Variants in RSRC2 observed in about 807,000 individuals in gnomAD.
RSRC2 encodes arginine/serine-rich coiled-coil protein 2.
A neutral mutation model predicts 61.3 loss-of-function variants in RSRC2; 5 were observed. The ratio of observed to expected loss-of-function variants is 0.08; its 90% CI spans 0.04 to 0.17. The LOEUF (loss-of-function observed/expected upper bound fraction) is 0.17. Ranked by LOEUF, RSRC2 falls within the 10% of genes least tolerant of loss-of-function variation. The pLI is 1.00. For missense variants in RSRC2, 381 were observed against 518.8 expected (o/e 0.73, Z 2.58); for synonymous variants, 202 against 166.5 (o/e 1.21, Z -1.64).
At chr12:122,525,738 A>T (rs1287699134) in intron 1 of RSRC2, among the ~76,000 whole-genome samples, 1 of 151,666 alleles carries the variant, frequency 6.6e-6, no homozygotes, top group African/African-American at 2.4e-5. Flanking sequence ...TCTTATACAC[A>T]CGCAGGCTTA....
At chr12:122,512,449 C>T (rs1328173859) in intron 6 of RSRC2, among the ~76,000 whole-genome samples, 1 of 152,090 alleles carries the variant, frequency 6.6e-6, no homozygotes, top group Non-Finnish European at 1.5e-5. Flanking sequence ...TTAAGTCGGC[C>T]CGGCGCCACG....
chr12:122,521,861 C>T (rs11058575), intron 2 of RSRC2, among the ~76,000 whole-genome samples: 24,210 of 152,222 alleles, frequency 0.16, 2,280 homozygotes, highest in East Asian at 0.43. Flanking sequence ...ATAAGCTAGG[C>T]GTGGTGGCGC....
At chr12:122,523,345 G>A (rs1468575155) in intron 1 of RSRC2, 1 of 152,072 alleles carries the variant, frequency 6.6e-6, no homozygotes, top group African/African-American at 2.4e-5. Flanking sequence ...GTAAAACCCT[G>A]CTTCTACTAA....
chr12:122,508,554 C>G, intron 7 of RSRC2, 107 bp from the exon 8 acceptor site: 1 of 846,524 alleles, frequency 1.2e-6, no homozygotes. Context: ...TGCAAAAAGG[C>G]AGGATTTTCA....
At position 122,505,239 on chromosome 12, in the gene RSRC2, T is replaced by C. The variant is rs1024160123; in HGVS notation, c.*288A>G. 2.6e-5 allele frequency: 7 copies of C among 273,742 alleles called. No homozygotes were observed. Among genetic ancestry groups the C allele is most frequent in the Non-Finnish European group, 4.1e-5 (6 of 146,914 alleles). The allele number at this position is 273,742 out of a possible 1,614,324, so 17.0% of individuals were successfully genotyped here. ...CAGCGGACACGAAAAAATCCATGTA[T>C]GAGATTTTATCCCCACCTGCAGCTT... On this transcript the variant is annotated 3_prime_UTR_variant, in exon 10 of 10. Coordinates refer to ENST00000331738, the MANE Select transcript of RSRC2 (RefSeq NM_023012.6).
rs773366610 is a variant in RSRC2 at position 122,522,271 on chromosome 12, G to A, written c.35C>T (p.Ala12Val). ...AASDTERDGLAPEKTSPDRDK... is the reference protein window; with the variant it reads ...AASDTERDGLVPEKTSPDRDK... The stretch of plus-strand genomic sequence containing the variant: ...TCTATCTGGTGATGTCTTTTCTGGG[G>A]CTAGTCCATCTCGCTCTGTATCACT... The change falls in exon 2 of 10, where the codon GCC becomes GTC. Residue 12 changes from alanine to valine, a missense_variant. Transcript: ENST00000331738. The A allele has an allele frequency of 1.9e-6, 3 of 1,613,084 alleles. No individual in the cohort carries two copies. The highest frequency in any genetic ancestry group is 2.5e-6 in the Non-Finnish European group (3 of 1,179,576).
At chr12:122,520,479 A>C in intron 3 of RSRC2, 1 of 1,207,938 alleles carries the variant, frequency 8.3e-7, no homozygotes, top group Non-Finnish European at 1.1e-6. Context: ...TAAGGGAAAT[A>C]GGAGTTTGAA....
intron 3 of RSRC2, chr12:122,519,295 C>A (rs182964852): frequency 8.0e-6 from 3 of 375,854 alleles, no homozygotes; most frequent in Non-Finnish European, 1.5e-5. Flanking sequence ...TATTGAAAAG[C>A]CATTATGCCA....
chr12:122,511,121 CTTG>C lies in RSRC2; in HGVS notation c.790_792del (p.Gln264del), dbSNP rs763398143. ...TGAAAAAAATTACCTGCAGCTATTT[CTTG>C]TTGTTTTTGTTTTTCAACCATTTCC... On this transcript the variant is annotated inframe_deletion, in exon 7 of 10. Transcript: ENST00000331738. 11 of 1,604,640 alleles carry C rather than the reference CTTG, an allele frequency of 6.9e-6. No individual in the cohort carries two copies. The highest frequency in any genetic ancestry group is 1.7e-5 in the Admixed American group (1 of 59,434).
At position 122,505,680 on chromosome 12, in the gene RSRC2, T is replaced by C; in HGVS notation, c.1152A>G (p.Ser384=). The change falls in exon 10 of 10, where the codon TCA becomes TCG. Residue 384 remains serine, a synonymous_variant. Transcript: ENST00000331738. ...GAGTCTTGTAACTTTCTTCATCAAC[T>C]GAGCTACATCCAGCTTCATCTTCAC... ...IKSEDEAGCS[S]VDEESYKTLK... is the part of the protein sequence containing the mutation. 6.2e-7 allele frequency: 1 copy of C among 1,614,008 alleles called. No individual in the cohort carries two copies.
In RSRC2 at chr12:122,520,703, GC is replaced by G. The variant is rs1959186035; in HGVS notation, c.207+681del. On this transcript the variant is annotated intron_variant, in intron 3 of 9. Coordinates refer to ENST00000331738, the MANE Select transcript of RSRC2 (RefSeq NM_023012.6). ...CATTACGGGAAGAGGTGAAGTCCCT[GC>G]CCACTCTTGTTTTAGGAGTCCCTTA... The G allele has an allele frequency of 5.4e-6, 3 of 557,106 alleles. No individual in the cohort carries two copies. The African/African-American group carries it at 5.9e-5, about 11-fold the overall frequency. 34.5% of individuals were successfully genotyped at this position (557,106 alleles called of 1,614,324 possible).
At chr12:122,512,786 A>G (rs754014371) in intron 6 of RSRC2, among the ~76,000 whole-genome samples, 4 of 152,096 alleles carry the variant, frequency 2.6e-5, no homozygotes, top group South Asian at 2.1e-4. Flanking sequence ...TAAAAGAAAT[A>G]TAACAAGCTA....
chr12:122,521,016 G>C (rs1275405110), intron 3 of RSRC2: 2 of 230,538 alleles, frequency 8.7e-6, no homozygotes, highest in Non-Finnish European at 1.7e-5. Context: ...AGATATCTAG[G>C]GTATTGCTAT....
chr12:122,504,956 G>A lies in RSRC2; in HGVS notation c.*571C>T, dbSNP rs996697965. The stretch of plus-strand genomic sequence containing the variant: ...GGCCTTAAAAAGGGTGGTGGGGAGG[G>A]GATTTCTAGCTAGTGTTTTCTAACA... On this transcript the variant is annotated 3_prime_UTR_variant, in exon 10 of 10. Coordinates refer to ENST00000331738, the MANE Select transcript of RSRC2 (RefSeq NM_023012.6). The A allele has an allele frequency of 6.6e-6, 1 of 152,486 alleles. No homozygotes were observed. Among genetic ancestry groups the A allele is most frequent in the Non-Finnish European group, 1.5e-5 (1 of 68,040 alleles). 9.4% of individuals were successfully genotyped at this position (152,486 alleles called of 1,614,324 possible). A position where few individuals can be genotyped will look rare whatever the true frequency, so the allele number is the denominator to read the frequency against.
intron 2 of RSRC2, among the ~76,000 whole-genome samples, 191 bp downstream of exon 2, chr12:122,521,952 G>A (rs985746587): frequency 6.6e-6 from 1 of 151,372 alleles, no homozygotes; most frequent in African/African-American, 2.4e-5. Context: ...ATTGGGCTGA[G>A]AGTGTGTCAA....
At chr12:122,525,325 A>C (rs1959972280) in intron 1 of RSRC2, among the ~76,000 whole-genome samples, 1 of 152,100 alleles carries the variant, frequency 6.6e-6, no homozygotes, top group Admixed American at 6.6e-5. Context: ...GCAGTGAGCC[A>C]AGATCGCGCC....
At chr12:122,520,951 G>A (rs1323051122) in intron 3 of RSRC2, 2 of 213,314 alleles carry the variant, frequency 9.4e-6, no homozygotes, top group Non-Finnish European at 1.9e-5. Flanking sequence ...AACTGAACTA[G>A]TTTGCAAAAG....
At chr12:122,510,986 C>A (rs1014713620) in intron 7 of RSRC2, 123 bp downstream of exon 7, 3 of 656,502 alleles carry the variant, frequency 4.6e-6, no homozygotes. Context: ...GAGTTTGAGG[C>A]TACCATGCGC....
chr12:122,506,660 AG>A, intron 9 of RSRC2, 173 bp downstream of exon 9: 1 of 577,128 alleles, frequency 1.7e-6, no homozygotes, highest in East Asian at 2.8e-5. Flanking sequence ...GACAGTGGGT[AG>A]GGGAGATGGA....
Sources: allele counts gnomAD v4.1 joint callset (sites outside exome capture counted in the v4.1 genomes callset), GRCh38; gene constraint gnomAD v4.1.1; transcripts MANE v1.5; gene names NCBI Gene and HGNC (gene_info 2026-07-23, HGNC 2026-07-21).